Variants in CSMD1 observed in about 807,000 individuals in gnomAD.
CSMD1 encodes CUB and Sushi multiple domains 1, also known as CUB and sushi domain-containing protein 1.
Under a neutral mutation model 417.5 loss-of-function variants are expected in CSMD1, and 213 were observed. That is an observed-to-expected ratio of 0.51 (90% CI 0.46 to 0.57). The LOEUF (loss-of-function observed/expected upper bound fraction) is 0.57. Among genes scored for constraint, CSMD1 ranks in the 20% least tolerant of loss-of-function variants. The probability of loss-of-function intolerance (pLI) is 0.00; values close to 1 mark genes in which losing one functional copy is unlikely to be tolerated. For missense variants in CSMD1, 6,923 were observed against 4,529.7 expected (o/e 1.53, Z -15.17); for synonymous variants, 2,862 against 1,736.8 (o/e 1.65, Z -16.11).
intron 47 of CSMD1, 119 bp from the exon 48 acceptor site, chr8:3,091,781 A>T: frequency 1.3e-6 from 1 of 757,040 alleles, no homozygotes; most frequent in South Asian, 2.2e-5. Flanking sequence ...TATAATTATT[A>T]CAAAAGTGGA....
intron 2 of CSMD1, among the ~76,000 whole-genome samples, chr8:4,433,207 T>C (rs1797968464): frequency 6.6e-6 from 1 of 152,174 alleles, no homozygotes; most frequent in Non-Finnish European, 1.5e-5. Context: ...TGTATTACAA[T>C]ATAATAATAT....
intron 2 of CSMD1, among the ~76,000 whole-genome samples, chr8:4,421,074 G>A (rs1354606506): frequency 1.3e-5 from 2 of 151,818 alleles, no homozygotes; most frequent in Non-Finnish European, 2.9e-5. Context: ...TTTTCCCATT[G>A]GATGCCAATC....
intron 55 of CSMD1, among the ~76,000 whole-genome samples, chr8:2,978,125 C>T (rs1039028584): frequency 1.3e-5 from 2 of 152,144 alleles, no homozygotes; most frequent in Admixed American, 1.3e-4. Context: ...TGGACTGTAC[C>T]AGGAATGCTC....
At chr8:3,482,015 C>A (rs542233869) in intron 11 of CSMD1, among the ~76,000 whole-genome samples, 2 of 152,176 alleles carry the variant, frequency 1.3e-5, no homozygotes, top group Admixed American at 1.3e-4. Context: ...CCCAGAACAA[C>A]CACTTTGAAA....
chr8:3,593,489 C>T (rs1185519354), intron 8 of CSMD1, among the ~76,000 whole-genome samples: 1 of 152,190 alleles, frequency 6.6e-6, no homozygotes, highest in Non-Finnish European at 1.5e-5. Context: ...GAGATGCCTG[C>T]TCTCACTAAG....
chr8:4,482,944 G>A (rs538605458), intron 2 of CSMD1, among the ~76,000 whole-genome samples: 1 of 152,226 alleles, frequency 6.6e-6, no homozygotes, highest in Admixed American at 6.5e-5. Context: ...GGAGGCGTAG[G>A]TATAAAACAT....
chr8:4,842,896 A>C (rs923860748), intron 1 of CSMD1, among the ~76,000 whole-genome samples: 1 of 152,192 alleles, frequency 6.6e-6, no homozygotes, highest in African/African-American at 2.4e-5. Context: ...GAAACGTAGA[A>C]TTGGAATAAA....
chr8:4,035,889 T>C (rs775563637), intron 3 of CSMD1, among the ~76,000 whole-genome samples: 8 of 152,162 alleles, frequency 5.3e-5, no homozygotes, highest in Non-Finnish European at 1.2e-4. Context: ...GCCTTCACAG[T>C]CACCCCTCAC....
In CSMD1 at chr8:3,086,935, G is replaced by C. The variant is rs79141022; in HGVS notation, c.7474+162C>G. On this transcript the variant is annotated intron_variant, in intron 49 of 69. Transcript: ENST00000635120. ...GGCTATACAACTACATGTCAGGAAA[G>C]TTTGCATGGCCACTAGAAGGTTTAA... 3.3e-3 allele frequency among the ~76,000 whole-genome samples: 504 copies of C among 152,266 alleles called. 1 individual carries two copies. Among genetic ancestry groups the C allele is most frequent in the African/African-American group, 0.011 (460 of 41,558 alleles).
chr8:4,543,881 A>G (rs1341994833), intron 2 of CSMD1, among the ~76,000 whole-genome samples: 1 of 152,158 alleles, frequency 6.6e-6, no homozygotes, highest in Admixed American at 6.5e-5. Flanking sequence ...CCTTAGGGAC[A>G]TAAGATGTGG....
chr8:3,967,294 G>A (rs534746400), intron 5 of CSMD1, among the ~76,000 whole-genome samples: 176 of 151,768 alleles, frequency 1.2e-3, no homozygotes, highest in African/African-American at 4.1e-3. Flanking sequence ...TGTTCCCTTT[G>A]TTCCTTCCCT....
chr8:2,992,428 TTGC>T (rs1244900904), intron 54 of CSMD1, among the ~76,000 whole-genome samples: 10 of 151,872 alleles, frequency 6.6e-5, no homozygotes, highest in Admixed American at 2.6e-4. Context: ...TTTGTTGTTG[TTGC>T]TGTTTTTTTT....
At chr8:3,580,191 A>T (rs1800323784) in intron 9 of CSMD1, among the ~76,000 whole-genome samples, 1 of 152,206 alleles carries the variant, frequency 6.6e-6, no homozygotes, top group Non-Finnish European at 1.5e-5. Context: ...CGGAGAGAGA[A>T]CAAAACTAAG....
intron 3 of CSMD1, among the ~76,000 whole-genome samples, chr8:4,039,398 A>T (rs1797774273): frequency 6.6e-6 from 1 of 152,186 alleles, no homozygotes; most frequent in Non-Finnish European, 1.5e-5. Flanking sequence ...GATTAGAAAA[A>T]TCTGGTTATA....
At chr8:3,188,822 T>A (rs1796244334) in intron 35 of CSMD1, 65 bp downstream of exon 35, 23 of 1,337,260 alleles carry the variant, frequency 1.7e-5, no homozygotes, top group Non-Finnish European at 2.1e-5. Context: ...AACAAAAGAA[T>A]GAAAGAAAGA....
intron 8 of CSMD1, among the ~76,000 whole-genome samples, chr8:3,589,418 G>A (rs960070599): frequency 1.3e-5 from 2 of 151,888 alleles, no homozygotes; most frequent in African/African-American, 2.4e-5. Context: ...ACGCGTGTGT[G>A]TACACAATGG....
intron 7 of CSMD1, among the ~76,000 whole-genome samples, chr8:3,635,718 C>T (rs1238770972): frequency 1.2e-4 from 17 of 147,142 alleles, no homozygotes; most frequent in African/African-American, 2.3e-4. Context: ...CTCCTGACCT[C>T]GTGATCTGCC....
At chr8:3,526,337 G>A (rs1797753344) in intron 10 of CSMD1, among the ~76,000 whole-genome samples, 1 of 151,776 alleles carries the variant, frequency 6.6e-6, no homozygotes, top group Admixed American at 6.6e-5. Context: ...TGTGGAAATT[G>A]GACACTCCAA....
intron 57 of CSMD1, among the ~76,000 whole-genome samples, chr8:2,968,638 T>C (rs1160961040): frequency 1.3e-5 from 2 of 152,114 alleles, no homozygotes; most frequent in Non-Finnish European, 2.9e-5. Context: ...ACTATGAAAA[T>C]GACTAGAAGG....
Sources: gnomAD v4.1 joint callset for allele counts (sites outside exome capture counted in the v4.1 genomes callset) on GRCh38, gnomAD v4.1.1 for gene constraint, MANE v1.5 for transcripts, NCBI Gene and HGNC (gene_info 2026-07-23, HGNC 2026-07-21) for gene names.